The following SPATA13 variants were observed in gnomAD, a reference collection of about 807,000 sequenced individuals.
SPATA13 encodes spermatogenesis associated 13, also known as spermatogenesis-associated protein 13.
In SPATA13, 50 loss-of-function variants were observed where a neutral mutation model predicts 104.0. That is an observed-to-expected ratio of 0.48 (90% confidence interval 0.38 to 0.61). SPATA13 has a LOEUF of 0.61. SPATA13 is among the 20% of genes least tolerant of loss of function. SPATA13 has a pLI of 0.00. For synonymous variants in SPATA13, 606 were observed against 667.5 expected (o/e 0.91, Z 1.42); for missense variants, 1,524 against 1,690.6 (o/e 0.90, Z 1.73).
rs527642184 is a variant in SPATA13, at chr13:24,228,890, C to T, written c.1653+4308C>T. ...TTTAGAATCACTTATTTATATCATA[C>T]TGTCCTAAAAATAACAAAATAATCG... is the stretch of plus-strand genomic sequence containing the variant. On this transcript the variant is annotated intron_variant, in intron 2 of 12. Transcript: ENST00000382108. 1.1e-4 allele frequency among the ~76,000 whole-genome samples: 17 copies of T among 152,294 alleles called. No homozygotes were observed. The East Asian group carries it at 3.3e-3, about 29-fold the overall frequency.
chr13:24,069,198 T>C (rs1249378897), intron 3 of SPATA13, among the ~76,000 whole-genome samples: 2 of 152,220 alleles, frequency 1.3e-5, no homozygotes, highest in Admixed American at 1.3e-4. Context: ...ATTAAATCTA[T>C]AAATTGCTTT....
intron 4 of SPATA13, among the ~76,000 whole-genome samples, chr13:24,258,666 T>C (rs1873911044): frequency 6.6e-6 from 1 of 151,670 alleles, no homozygotes; most frequent in South Asian, 2.1e-4. Flanking sequence ...AGACCTCCTC[T>C]CCGCTAAAAA....
intron 2 of SPATA13, among the ~76,000 whole-genome samples, chr13:24,239,220 G>A (rs1317317079): frequency 1.3e-5 from 2 of 152,276 alleles, no homozygotes; most frequent in African/African-American, 2.4e-5. Context: ...GTAGAATGGC[G>A]TAGGATTTCA....
Position 24,223,513 on chromosome 13 carries a change from G to C in SPATA13, c.584G>C (p.Arg195Pro). The C allele has an allele frequency of 6.5e-7, 1 of 1,548,442 alleles. No individual in the cohort carries two copies. Among genetic ancestry groups the C allele is most frequent in the South Asian group, 1.2e-5 (1 of 84,068 alleles). The change falls in exon 2 of 13, where the codon CGG (arginine) becomes CCG (proline). Residue 195 changes from arginine to proline, a missense_variant. Physicochemically the swap from Arg to Pro is moderately radical, Grantham distance 103 (BLOSUM62 -2). This residue lies in a region of SPATA13 where 1,089 missense variants were observed against 1,135.9 expected (regional missense o/e 0.96). Coordinates refer to ENST00000382108, the MANE Select transcript of SPATA13 (RefSeq NM_001166271.3). ...DLEDTDDAFQ[R>P]STHRSRSLRR... Reference sequence around the variant, plus strand: ...GAGGACACGGACGATGCCTTCCAGCGGAGCACACACCGCTCCCGCAGCCTC... The same window carrying C: ...GAGGACACGGACGATGCCTTCCAGCCGAGCACACACCGCTCCCGCAGCCTC...
intron 1 of SPATA13, among the ~76,000 whole-genome samples, chr13:24,171,786 C>T (rs1436591065): frequency 6.6e-6 from 1 of 152,194 alleles, no homozygotes; most frequent in African/African-American, 2.4e-5. Context: ...TGAGTTTCCT[C>T]AGCTGGAGGA....
At chr13:24,139,834 A>G (rs942578008) in intron 3 of SPATA13, among the ~76,000 whole-genome samples, 2 of 152,128 alleles carry the variant, frequency 1.3e-5, no homozygotes, top group Non-Finnish European at 2.9e-5. Context: ...TTGGGAGGCC[A>G]AGGAGGGCGG....
At chr13:24,275,815 T>C (rs1199996009) in intron 4 of SPATA13, among the ~76,000 whole-genome samples, 1 of 152,234 alleles carries the variant, frequency 6.6e-6, no homozygotes, top group Non-Finnish European at 1.5e-5. Context: ...GCACCTGTAA[T>C]CTCAGCTACT....
intron 2 of SPATA13, among the ~76,000 whole-genome samples, chr13:24,003,802 T>G (rs1311612871): frequency 2.0e-5 from 3 of 152,252 alleles, no homozygotes; most frequent in Non-Finnish European, 4.4e-5. Flanking sequence ...TACTTCCTTT[T>G]TGTTCTATAC....
intron 2 of SPATA13, among the ~76,000 whole-genome samples, chr13:24,229,890 A>G (rs997065261): frequency 2.6e-5 from 4 of 152,208 alleles, no homozygotes; most frequent in African/African-American, 9.6e-5. Context: ...ACATAGGAGA[A>G]CTTGATGGAT....
intron 3 of SPATA13, among the ~76,000 whole-genome samples, chr13:24,155,330 G>A (rs1882227260): frequency 1.3e-5 from 2 of 152,158 alleles, no homozygotes; most frequent in Non-Finnish European, 2.9e-5. Flanking sequence ...TGTAATGATG[G>A]AGTCCAAGTG....
intron 1 of SPATA13, among the ~76,000 whole-genome samples, chr13:24,179,085 C>G (rs1284727872): frequency 6.6e-6 from 1 of 152,182 alleles, no homozygotes; most frequent in Admixed American, 6.5e-5. Context: ...AGGTTGATCC[C>G]TGTGGTAGCA....
At chr13:24,278,370 C>T (rs1426497526) in intron 4 of SPATA13, among the ~76,000 whole-genome samples, 1 of 152,170 alleles carries the variant, frequency 6.6e-6, no homozygotes, top group Non-Finnish European at 1.5e-5. Flanking sequence ...TGAGCCGGTT[C>T]ATCTCCACAG....
intron 3 of SPATA13, chr13:24,123,953 G>A (rs1881127709): frequency 1.9e-6 from 1 of 523,074 alleles, no homozygotes; most frequent in Non-Finnish European, 3.4e-6. Context: ...AACCTGGGCA[G>A]ACTCTGGCCA....
At chr13:24,302,045 C>T (rs986549124) in intron 12 of SPATA13, among the ~76,000 whole-genome samples, 2 of 152,184 alleles carry the variant, frequency 1.3e-5, no homozygotes, top group African/African-American at 4.8e-5. Flanking sequence ...GAGCTCCAGA[C>T]TTCCATTTAG....
chr13:24,111,470 C>T (rs766134125), intron 3 of SPATA13, among the ~76,000 whole-genome samples: 108 of 148,844 alleles, frequency 7.3e-4, no homozygotes, highest in Non-Finnish European at 1.3e-3. Flanking sequence ...TGCAGTGGTG[C>T]AATCACGGCT....
chr13:24,048,771 G>A (rs1222281408), intron 3 of SPATA13, among the ~76,000 whole-genome samples: 3 of 152,126 alleles, frequency 2.0e-5, no homozygotes, highest in Non-Finnish European at 4.4e-5. Flanking sequence ...AAGCAAAGGA[G>A]AAGTCAAGGC....
At chr13:24,096,012 C>T (rs1043233140) in intron 3 of SPATA13, among the ~76,000 whole-genome samples, 1 of 152,198 alleles carries the variant, frequency 6.6e-6, no homozygotes, top group African/African-American at 2.4e-5. Flanking sequence ...TGAGAGGCTG[C>T]CTGGGTCACT....
intron 2 of SPATA13, among the ~76,000 whole-genome samples, chr13:24,235,541 C>G (rs1365374010): frequency 6.6e-6 from 1 of 152,188 alleles, no homozygotes; most frequent in East Asian, 1.9e-4. Context: ...TGGAGGACCA[C>G]TTGAGCTCAG....
chr13:24,013,108 G>A (rs1437358742), intron 2 of SPATA13, among the ~76,000 whole-genome samples: 5 of 152,214 alleles, frequency 3.3e-5, no homozygotes, highest in African/African-American at 9.6e-5. Context: ...AGGGTGGGGG[G>A]TACATGGCAA....
Sources: allele counts gnomAD v4.1 joint callset (sites outside exome capture counted in the v4.1 genomes callset), GRCh38; gene constraint gnomAD v4.1.1; regional missense constraint gnomAD v4.1.1; transcripts MANE v1.5; gene names NCBI Gene and HGNC (gene_info 2026-07-23, HGNC 2026-07-21).